Variants in CNOT4 observed in about 807,000 individuals in gnomAD.
CNOT4 encodes CCR4-associated factor 4.
A neutral mutation model predicts 73.8 loss-of-function variants in CNOT4; 8 were observed. That is an observed-to-expected ratio of 0.11 (90% confidence interval 0.06 to 0.20). The LOEUF (loss-of-function observed/expected upper bound fraction) is 0.20. CNOT4 is among the 10% of genes least tolerant of loss of function. CNOT4 has a pLI of 1.00. For synonymous variants in CNOT4, 293 were observed against 321.1 expected, an observed-to-expected ratio of 0.91 and a Z score of 0.94; for missense variants, 564 against 883.4, an observed-to-expected ratio of 0.64 and a Z score of 4.58.
chr7:135,476,382 TG>T (rs1345055330), intron 1 of CNOT4, among the ~76,000 whole-genome samples: 2 of 152,230 alleles, frequency 1.3e-5, no homozygotes, highest in Non-Finnish European at 2.9e-5. Context: ...AAATGAGGCT[TG>T]GAAGTTCATT....
chr7:135,450,849 G>A (rs747277795), intron 1 of CNOT4, among the ~76,000 whole-genome samples: 2 of 151,928 alleles, frequency 1.3e-5, no homozygotes, highest in African/African-American at 2.4e-5. Flanking sequence ...ATGAATGGTC[G>A]GGAGGTCAAG....
At chr7:135,394,638 T>C (rs1270234747) in intron 9 of CNOT4, among the ~76,000 whole-genome samples, 2 of 152,198 alleles carry the variant, frequency 1.3e-5, no homozygotes, top group Admixed American at 6.5e-5. Flanking sequence ...CTGAATGATA[T>C]AGACTGATTT....
chr7:135,457,217 GCAA>G (rs774039946), intron 1 of CNOT4, among the ~76,000 whole-genome samples: 58 of 151,986 alleles, frequency 3.8e-4, no homozygotes, highest in Non-Finnish European at 7.5e-4. Flanking sequence ...CTGGATGTTG[GCAA>G]CAACAGGGAG....
intron 1 of CNOT4, among the ~76,000 whole-genome samples, chr7:135,448,991 T>G (rs1028083400): frequency 6.6e-6 from 1 of 151,576 alleles, no homozygotes; most frequent in Non-Finnish European, 1.5e-5. Flanking sequence ...ATACACATAA[T>G]GGGAGTAGTA....
chr7:135,375,498 A>G (rs2129482708), intron 10 of CNOT4, among the ~76,000 whole-genome samples: 1 of 152,354 alleles, frequency 6.6e-6, no homozygotes, highest in South Asian at 2.1e-4. Context: ...ATTCTGAAAA[A>G]GTAGGTATTA....
At chr7:135,454,515 T>TAA (rs1800401626) in intron 1 of CNOT4, among the ~76,000 whole-genome samples, 1 of 96,942 alleles carries the variant, frequency 1.0e-5, no homozygotes, top group African/African-American at 3.5e-5. Flanking sequence ...AATTAAAAAA[T>TAA]TAAAAAAAAA....
intron 10 of CNOT4, among the ~76,000 whole-genome samples, chr7:135,391,391 A>G (rs1796393143): frequency 6.6e-6 from 1 of 152,026 alleles, no homozygotes; most frequent in African/African-American, 2.4e-5. Context: ...ACCTAATAAT[A>G]AGCTTAACCA....
At chr7:135,503,222 T>C (rs1804115923) in intron 1 of CNOT4, among the ~76,000 whole-genome samples, 2 of 152,108 alleles carry the variant, frequency 1.3e-5, no homozygotes, top group African/African-American at 2.4e-5. Context: ...CCCAGCACTT[T>C]GGGAGGCTGA....
chr7:135,506,657 G>C (rs373539996), intron 1 of CNOT4, among the ~76,000 whole-genome samples: 1 of 152,054 alleles, frequency 6.6e-6, no homozygotes, highest in Admixed American at 6.6e-5. Flanking sequence ...AGACCAGCCT[G>C]ACCAACATGG....
chr7:135,439,939 T>A (rs1056677704), intron 1 of CNOT4, among the ~76,000 whole-genome samples: 3 of 151,498 alleles, frequency 2.0e-5, no homozygotes, highest in Admixed American at 6.6e-5. Context: ...ACTGCAATTT[T>A]AAAAAATCCC....
At chr7:135,472,559 A>ATAT (rs1585699249) in intron 1 of CNOT4, among the ~76,000 whole-genome samples, 21 of 104,190 alleles carry the variant, frequency 2.0e-4, no homozygotes, top group East Asian at 5.7e-4. Context: ...ATATATATAT[A>ATAT]AAGTGATCCT....
intron 2 of CNOT4, among the ~76,000 whole-genome samples, chr7:135,436,872 A>G (rs1371830801): frequency 1.3e-5 from 2 of 152,058 alleles, no homozygotes; most frequent in East Asian, 1.9e-4. Context: ...TAAATTTTAG[A>G]TATCTAAAAC....
At chr7:135,491,238 T>A (rs1363448668) in intron 1 of CNOT4, among the ~76,000 whole-genome samples, 1 of 152,054 alleles carries the variant, frequency 6.6e-6, no homozygotes, top group African/African-American at 2.4e-5. Flanking sequence ...GCTGAAAAAA[T>A]TCATTTGAGA....
At chr7:135,471,822 C>A (rs1240303716) in intron 1 of CNOT4, among the ~76,000 whole-genome samples, 3 of 152,206 alleles carry the variant, frequency 2.0e-5, no homozygotes, top group African/African-American at 7.2e-5. Flanking sequence ...GAGCAGTGTT[C>A]CTATGCCTAG....
At chr7:135,370,558 A>C (rs778959084) in intron 10 of CNOT4, among the ~76,000 whole-genome samples, 6 of 152,110 alleles carry the variant, frequency 3.9e-5, no homozygotes, top group African/African-American at 7.2e-5. Flanking sequence ...CCACCTTTCC[A>C]TGTACTCATA....
intron 1 of CNOT4, among the ~76,000 whole-genome samples, chr7:135,456,668 T>C (rs1486344550): frequency 6.6e-6 from 1 of 152,126 alleles, no homozygotes; most frequent in Admixed American, 6.6e-5. Context: ...TTTTAAATCA[T>C]GTCTAGATTA....
At chr7:135,433,551 C>A (rs1015496462) in intron 2 of CNOT4, among the ~76,000 whole-genome samples, 2 of 151,276 alleles carry the variant, frequency 1.3e-5, no homozygotes, top group Non-Finnish European at 3.0e-5. Flanking sequence ...AGAGATGAGG[C>A]CTCGCCATGT....
intron 10 of CNOT4, chr7:135,386,504 T>TAA (rs1563017895): frequency 6.6e-6 from 1 of 152,198 alleles, no homozygotes; most frequent in African/African-American, 2.4e-5. Context: ...AGTGGCTTCT[T>TAA]TTATGTGTTG....
Position 135,394,032 on chromosome 7 carries a change from G to GTCT in CNOT4, c.1512_1513insAGA (p.Arg505dup). 1 of 1,614,204 alleles carries GTCT rather than the reference G, an allele frequency of 6.2e-7. No homozygotes were observed. The highest frequency in any genetic ancestry group is 8.5e-7 in the Non-Finnish European group (1 of 1,180,030). On this transcript the variant is annotated inframe_insertion, in exon 10 of 12. Coordinates refer to ENST00000541284, the MANE Select transcript of CNOT4 (RefSeq NM_001190850.2). ...TGGTTCAAGTGCATGATGCTATTGC[G>GTCT]TGGAAAGGCCATCCAAGGATAGCGG...
Sources: allele counts gnomAD v4.1 joint callset (sites outside exome capture counted in the v4.1 genomes callset), GRCh38; gene constraint gnomAD v4.1.1; transcripts MANE v1.5; gene names NCBI Gene and HGNC (gene_info 2026-07-23, HGNC 2026-07-21).